RBFOX1: variants seen among roughly 807,000 people sequenced by gnomAD.
RBFOX1 encodes the protein RNA binding protein fox-1 homolog 1.
A neutral mutation model predicts 57.7 loss-of-function variants in RBFOX1; 8 were observed. The observed-to-expected ratio is 0.14, with a 90% confidence interval of 0.08 to 0.25. The LOEUF (loss-of-function observed/expected upper bound fraction) is 0.25. Among genes scored for constraint, RBFOX1 ranks in the 10% least tolerant of loss-of-function variants. The pLI is 1.00. For synonymous variants in RBFOX1, 326 were observed against 222.4 expected (o/e 1.47, Z -4.15); for missense variants, 611 against 548.5 (o/e 1.11, Z -1.14).
intron 4 of RBFOX1, among the ~76,000 whole-genome samples, chr16:7,150,288 CT>C (rs2075860598): frequency 6.6e-6 from 1 of 152,188 alleles, no homozygotes. Context: ...TTGGCTGTGT[CT>C]CTTAATTCTT....
At chr16:5,795,050 C>G (rs938282438) in intron 3 of RBFOX1, among the ~76,000 whole-genome samples, 2 of 152,186 alleles carry the variant, frequency 1.3e-5, no homozygotes, top group African/African-American at 4.8e-5. Context: ...TGACTTTGGC[C>G]AAGCTGCTTA....
chr16:6,389,401 A>C (rs2092477346), intron 2 of RBFOX1, among the ~76,000 whole-genome samples: 1 of 152,180 alleles, frequency 6.6e-6, no homozygotes, highest in South Asian at 2.1e-4. Context: ...TCATGAAACT[A>C]CATCTTTTAT....
chr16:6,362,616 A>ATTAGATTAGATTAGATTAGGTTAAG (rs2088788237), intron 2 of RBFOX1, among the ~76,000 whole-genome samples: 1 of 152,218 alleles, frequency 6.6e-6, no homozygotes, highest in African/African-American at 2.4e-5. Flanking sequence ...TAGAGGGCAG[A>ATTAGATTAGATTAGATTAGGTTAAG]GTAAATGGAT....
chr16:5,976,165 T>TAATAA (rs905148607), intron 4 of RBFOX1, among the ~76,000 whole-genome samples: 4 of 151,800 alleles, frequency 2.6e-5, no homozygotes, highest in African/African-American at 4.8e-5. Context: ...AATAAATAAA[T>TAATAA]AATAAAATAA....
chr16:6,407,490 A>AGC (rs1567208367), intron 2 of RBFOX1, among the ~76,000 whole-genome samples: 35 of 151,972 alleles, frequency 2.3e-4, no homozygotes, highest in African/African-American at 7.5e-4. Context: ...ACATATATAT[A>AGC]GAGAGAGGCA....
At chr16:5,482,980 T>G (rs1394224653) in intron 2 of RBFOX1, among the ~76,000 whole-genome samples, 1 of 152,234 alleles carries the variant, frequency 6.6e-6, no homozygotes, top group Non-Finnish European at 1.5e-5. Context: ...TTGAATTTTC[T>G]CTGAATAGGG....
intron 3 of RBFOX1, among the ~76,000 whole-genome samples, chr16:5,817,200 G>T (rs570544320): frequency 1.3e-5 from 2 of 152,298 alleles, no homozygotes; most frequent in South Asian, 2.1e-4. Flanking sequence ...GTTTGTGTGT[G>T]TGTTGGGGTG....
chr16:6,102,348 ATTATCT>A (rs2096322693), intron 1 of RBFOX1, among the ~76,000 whole-genome samples: 3 of 152,042 alleles, frequency 2.0e-5, no homozygotes, highest in Admixed American at 6.6e-5. Flanking sequence ...TTTCTAAGAA[ATTATCT>A]TTAACACTGT....
intron 3 of RBFOX1, among the ~76,000 whole-genome samples, chr16:5,753,394 A>G (rs1172991541): frequency 6.6e-6 from 1 of 152,216 alleles, no homozygotes; most frequent in Non-Finnish European, 1.5e-5. Flanking sequence ...ACTCAAAAAA[A>G]TTTAGAATAT....
chr16:6,004,064 A>G (rs1001482752), intron 4 of RBFOX1, among the ~76,000 whole-genome samples: 3 of 152,214 alleles, frequency 2.0e-5, no homozygotes, highest in African/African-American at 7.2e-5. Flanking sequence ...GTACTCTAGG[A>G]TAAATAGCTA....
At chr16:6,192,785 G>A (rs528413908) in intron 1 of RBFOX1, among the ~76,000 whole-genome samples, 9 of 152,114 alleles carry the variant, frequency 5.9e-5, no homozygotes, top group Non-Finnish European at 1.2e-4. Context: ...GAAATGCTTA[G>A]CACAGGTTGT....
chr16:5,787,793 T>A (rs1043663475), intron 3 of RBFOX1, among the ~76,000 whole-genome samples: 5 of 152,142 alleles, frequency 3.3e-5, no homozygotes, highest in African/African-American at 1.2e-4. Context: ...TTTCCCAAGG[T>A]GTTCCTGTAA....
chr16:6,919,016 A>T (rs1488932997), intron 3 of RBFOX1, among the ~76,000 whole-genome samples: 1 of 152,100 alleles, frequency 6.6e-6, no homozygotes, highest in Admixed American at 6.6e-5. Context: ...AGTGTTGCTC[A>T]TTCATCCAGG....
chr16:6,802,414 T>A (rs1164702865), intron 3 of RBFOX1, among the ~76,000 whole-genome samples: 1 of 152,132 alleles, frequency 6.6e-6, no homozygotes, highest in Non-Finnish European at 1.5e-5. Flanking sequence ...CAGTGGCTCA[T>A]GCCTATAATT....
At chr16:7,138,463 C>T (rs1214275724) in intron 4 of RBFOX1, among the ~76,000 whole-genome samples, 1 of 152,150 alleles carries the variant, frequency 6.6e-6, no homozygotes, top group Admixed American at 6.5e-5. Flanking sequence ...GCACCAGACC[C>T]AACCAGGACA....
chr16:6,773,939 G>A (rs189151064), intron 3 of RBFOX1: 5 of 985,398 alleles, frequency 5.1e-6, no homozygotes, highest in Non-Finnish European at 6.0e-6. Context: ...GTGTGTTTGT[G>A]TGTGTGCACA....
intron 3 of RBFOX1, among the ~76,000 whole-genome samples, chr16:5,768,656 A>G (rs893901226): frequency 6.6e-6 from 1 of 152,146 alleles, no homozygotes; most frequent in Non-Finnish European, 1.5e-5. Context: ...TTCCTCTTGC[A>G]TCTATTCCAC....
chr16:7,359,184 G>C (rs1311694010), intron 4 of RBFOX1, among the ~76,000 whole-genome samples: 1 of 152,172 alleles, frequency 6.6e-6, no homozygotes, highest in African/African-American at 2.4e-5. Flanking sequence ...GCATGTCTCA[G>C]AACCTCTCTT....
intron 10 of RBFOX1, among the ~76,000 whole-genome samples, chr16:7,621,717 C>T (rs2142049450): frequency 6.6e-6 from 1 of 152,246 alleles, no homozygotes; most frequent in Non-Finnish European, 1.5e-5. Context: ...ATACTTAGTG[C>T]CAGCTCCCTT....
Sources: allele counts gnomAD v4.1 joint callset (sites outside exome capture counted in the v4.1 genomes callset), GRCh38; gene constraint gnomAD v4.1.1; transcripts MANE v1.5; gene names NCBI Gene and HGNC (gene_info 2026-07-23, HGNC 2026-07-21).